LMBR1: variants seen among roughly 807,000 people sequenced by gnomAD.
LMBR1 encodes limb region 1 protein homolog.
In LMBR1, 52 loss-of-function variants were observed where a neutral mutation model predicts 73.9. The ratio of observed to expected loss-of-function variants is 0.70; its 90% confidence interval spans 0.56 to 0.89. The LOEUF (loss-of-function observed/expected upper bound fraction) is 0.89, where lower values mean the gene tolerates loss of function less well. Among genes scored for constraint, LMBR1 ranks in the 40% least tolerant of loss-of-function variants. The pLI is 0.00. For synonymous variants in LMBR1, 215 were observed against 209.4 expected, an observed-to-expected ratio of 1.03 and a Z score of -0.23; for missense variants, 539 against 579.8, an observed-to-expected ratio of 0.93 and a Z score of 0.72.
At chr7:156,688,313 C>T (rs1806396487) in intron 15 of LMBR1, 122 bp from the exon 16 acceptor site, 5 of 639,534 alleles carry the variant, frequency 7.8e-6, no homozygotes, top group African/African-American at 1.9e-5. Flanking sequence ...ACGTGAGATG[C>T]TCTAATGAAT....
At position 156,711,301 on chromosome 7, in the gene LMBR1, ACT is replaced by A. The variant is rs371817079; in HGVS notation, c.1225+12809_1225+12810del. On this transcript the variant is annotated intron_variant, in intron 15 of 16. Coordinates refer to ENST00000353442, the MANE Select transcript of LMBR1 (RefSeq NM_022458.4). ...ACTCCAGCCTGGGCGACAGAGCGAG[ACT>A]CTGTCTCAAACAAACAAACTACAAA... Among the ~76,000 whole-genome samples the A allele has an allele frequency of 5.5e-3, 842 of 152,270 alleles. 20 individuals carry two copies. In the South Asian group the frequency reaches 0.078, roughly 14 times the overall value.
chr7:156,826,758 G>A lies in LMBR1; in HGVS notation c.180-14C>T, dbSNP rs777740183. On this transcript the variant is annotated splice_polypyrimidine_tract_variant and intron_variant, in intron 3 of 16. Coordinates refer to ENST00000353442, the MANE Select transcript of LMBR1 (RefSeq NM_022458.4). Reference sequence around the variant, plus strand: ...CTCAAAAACAACCTGGAAGAAAGGAGAGTCACCATCACAAGTGATCTGAAA... The same window carrying A: ...CTCAAAAACAACCTGGAAGAAAGGAAAGTCACCATCACAAGTGATCTGAAA... The A allele has an allele frequency of 2.5e-6, 4 of 1,598,980 alleles. No individual in the cohort carries two copies. Among genetic ancestry groups the A allele is most frequent in the South Asian group, 1.1e-5 (1 of 88,664 alleles).
At chr7:156,788,810 G>C (rs572842619) in intron 5 of LMBR1, among the ~76,000 whole-genome samples, 1 of 152,328 alleles carries the variant, frequency 6.6e-6, no homozygotes, top group South Asian at 2.1e-4. Flanking sequence ...CACTTTGGGT[G>C]GCCAAGGCAG....
intron 9 of LMBR1, among the ~76,000 whole-genome samples, chr7:156,748,915 A>C (rs1308174520): frequency 3.9e-5 from 6 of 152,216 alleles, no homozygotes; most frequent in Non-Finnish European, 8.8e-5. Flanking sequence ...ATTAGCATAT[A>C]TCTCTGGCAG....
Position 156,724,257 on chromosome 7 carries a change from G to T in LMBR1, c.1159-79C>A, listed in dbSNP as rs7793618. ...CAAACCCAGTAACATTCTGAGAAAT[G>T]ATTGTGCATTCTAGTTACCTAGTGT... On this transcript the variant is annotated intron_variant, in intron 14 of 16. Coordinates refer to ENST00000353442, the MANE Select transcript of LMBR1 (RefSeq NM_022458.4). The T allele has an allele frequency of 0.12, 125,048 of 1,086,812 alleles. 8,053 individuals are homozygous for T. Among genetic ancestry groups the T allele is most frequent in the African/African-American group, 0.25 (16,218 of 63,700 alleles). The allele number at this position is 1,086,812 out of a possible 1,614,324, so 67.3% of individuals were successfully genotyped here.
chr7:156,752,595 T>C (rs1821112102), intron 9 of LMBR1, among the ~76,000 whole-genome samples: 1 of 151,926 alleles, frequency 6.6e-6, no homozygotes, highest in South Asian at 2.1e-4. Flanking sequence ...GGGAGGAGGG[T>C]TGGCATGAAG....
chr7:156,888,434 A>G (rs1215835933), intron 1 of LMBR1, among the ~76,000 whole-genome samples: 3 of 151,390 alleles, frequency 2.0e-5, no homozygotes, highest in Admixed American at 6.6e-5. Flanking sequence ...AAAAAATTAA[A>G]CATAGAATTA....
chr7:156,675,932 T>C, downstream of LMBR1: 1 of 1,501,582 alleles, frequency 6.7e-7, no homozygotes, highest in Non-Finnish European at 9.1e-7. Flanking sequence ...GGGAGTGGCA[T>C]GTGGGGGGAG....
chr7:156,781,999 A>G (rs887163506), intron 5 of LMBR1, among the ~76,000 whole-genome samples: 33 of 152,318 alleles, frequency 2.2e-4, no homozygotes, highest in African/African-American at 7.7e-4. Context: ...CCCAATACAC[A>G]ATCCCTGGCA....
chr7:156,892,740 G>C (rs1803333557), intron 1 of LMBR1, 188 bp downstream of exon 1: 1 of 407,812 alleles, frequency 2.5e-6, no homozygotes. Flanking sequence ...GGAGGGGAGA[G>C]GAGAGGTGGG....
intron 15 of LMBR1, among the ~76,000 whole-genome samples, chr7:156,704,602 G>GAAA (rs34052800): frequency 6.9e-6 from 1 of 144,440 alleles, no homozygotes. Flanking sequence ...GATCCTAACT[G>GAAA]AAAAAAAAAA....
rs1303622442 is a variant in LMBR1 at position 156,685,015 on chromosome 7, G to A, written c.1388-852C>T. On this transcript the variant is annotated intron_variant, in intron 16 of 16. Coordinates refer to ENST00000353442, the MANE Select transcript of LMBR1 (RefSeq NM_022458.4). This position sits in a 1 kb window ranked among gnomAD's most constrained non-coding sequence, Gnocchi z 4.1. The stretch of plus-strand genomic sequence containing the variant: ...CTTACACACATGCAGGAAAATGTAG[G>A]GAAAGCCACAGCCAAATATTAATAT... 6.6e-6 allele frequency among the ~76,000 whole-genome samples: 1 copy of A among 151,676 alleles called. No homozygotes were observed. Among genetic ancestry groups the A allele is most frequent in the African/African-American group, 2.4e-5 (1 of 41,262 alleles).
At position 156,848,059 on chromosome 7, in the gene LMBR1, A is replaced by G. The variant is rs372230695; in HGVS notation, c.67-11174T>C. Among the ~76,000 whole-genome samples, 7 of 151,962 alleles carry G rather than the reference A, an allele frequency of 4.6e-5. 1 individual carries two copies. The highest frequency in any genetic ancestry group is 1.7e-4 in the African/African-American group (7 of 41,412). ...TAACTAAAATGTAGAAGATCATTCA[A>G]CACTAAAAAAAAAAAAATGCAAAAG... On this transcript the variant is annotated intron_variant, in intron 1 of 16. Transcript: ENST00000353442.
rs150658639 is a variant in LMBR1 at position 156,779,628 on chromosome 7, A to G, written c.424-15833T>C. 8.4e-4 allele frequency: 973 copies of G among 1,153,762 alleles called. 9 individuals carry two copies. The African/African-American group carries it at 0.014, about 17-fold the overall frequency. The allele number at this position is 1,153,762 out of a possible 1,614,324, so 71.5% of individuals were successfully genotyped here. A position where few individuals can be genotyped will look rare whatever the true frequency, so the allele number is the denominator to read the frequency against. The stretch of plus-strand genomic sequence containing the variant: ...TCAATTATACATTTAATTCACATCA[A>G]TGAAGTGAAAATTACAATGTACTTA... On this transcript the variant is annotated intron_variant, in intron 5 of 16. Transcript: ENST00000353442.
chr7:156,677,741 ATATG>A (rs113538552), downstream of LMBR1: 11 of 152,376 alleles, frequency 7.2e-5, no homozygotes, highest in South Asian at 2.1e-4. Context: ...ATATAGCTAC[ATATG>A]TATGTATCAT....
intron 5 of LMBR1, among the ~76,000 whole-genome samples, chr7:156,770,482 AT>A (rs1166874000): frequency 6.6e-6 from 1 of 152,262 alleles, no homozygotes; most frequent in African/African-American, 2.4e-5. Flanking sequence ...TTATAAAAAC[AT>A]AAAGTGTAGA....
intron 5 of LMBR1, among the ~76,000 whole-genome samples, chr7:156,765,359 T>TC (rs1823897544): frequency 6.6e-6 from 1 of 152,110 alleles, no homozygotes; most frequent in Non-Finnish European, 1.5e-5. Flanking sequence ...GTCTGGCATG[T>TC]CCCCCGCTGG....
In LMBR1 at chr7:156,754,362, A is replaced by T. The variant is rs181496606; in HGVS notation, c.757+2031T>A. On this transcript the variant is annotated intron_variant, in intron 9 of 16. Coordinates refer to ENST00000353442, the MANE Select transcript of LMBR1 (RefSeq NM_022458.4). ...CCACAATAACTCAACGTTACTTTTTAAAAAAAATACTGTTATTTCTACAGC... is the reference window on the plus strand; with the variant it reads ...CCACAATAACTCAACGTTACTTTTTTAAAAAAATACTGTTATTTCTACAGC... 6.9e-4 allele frequency among the ~76,000 whole-genome samples: 105 copies of T among 152,108 alleles called. 1 individual carries two copies. Among genetic ancestry groups the T allele is most frequent in the South Asian group, 5.4e-3 (26 of 4,814 alleles).
At chr7:156,764,177 C>T (rs1051714238) in intron 5 of LMBR1, among the ~76,000 whole-genome samples, 7 of 152,110 alleles carry the variant, frequency 4.6e-5, no homozygotes, top group African/African-American at 1.7e-4. Flanking sequence ...GAACTTGGTG[C>T]GCCACAATGC....
Sources: gnomAD v4.1 joint callset for allele counts (sites outside exome capture counted in the v4.1 genomes callset) on GRCh38, gnomAD v4.1.1 for gene constraint, Gnocchi (gnomAD v3.1) non-coding constraint, MANE v1.5 for transcripts, NCBI Gene and HGNC (gene_info 2026-07-23, HGNC 2026-07-21) for gene names.